GFRA1: variants seen among roughly 807,000 people sequenced by gnomAD.
GFRA1 encodes GDNF family receptor alpha-1.
A neutral mutation model predicts 51.6 loss-of-function variants in GFRA1; 16 were observed. The ratio of observed to expected loss-of-function variants is 0.31; its 90% CI spans 0.21 to 0.47. The LOEUF is 0.47. Ranked by LOEUF, GFRA1 falls within the 20% of genes least tolerant of loss-of-function variation. The pLI, the probability that GFRA1 is intolerant of heterozygous loss-of-function variation, is 1.00. For missense variants in GFRA1, 530 were observed against 594.3 expected, an observed-to-expected ratio of 0.89 and a Z score of 1.13; for synonymous variants, 270 against 241.3, an observed-to-expected ratio of 1.12 and a Z score of -1.10.
chr10:116,270,980 T>G lies in GFRA1; in HGVS notation c.176A>C (p.Asn59Thr), dbSNP rs1843875838. The change falls in exon 3 of 11, where the codon AAC (asparagine) becomes ACC (threonine). Residue 59 changes from asparagine to threonine, a missense_variant. By Grantham distance (65) the Asn-to-Thr change is moderately conservative. Coordinates refer to ENST00000355422, the MANE Select transcript of GFRA1 (RefSeq NM_005264.8). ...CTCCAGGCCGGATGCCAGGCTGAAG[T>G]TGGTCTCCTTGCCCGCCACGCACTG... is the stretch of plus-strand genomic sequence containing the variant. ...LRQCVAGKETNFSLASGLEAK... is the reference protein window; with the variant it reads ...LRQCVAGKETTFSLASGLEAK... The G allele has an allele frequency of 1.2e-6, 2 of 1,614,210 alleles. No homozygotes were observed. The highest frequency in any genetic ancestry group is 1.1e-5 in the South Asian group (1 of 91,086).
chr10:116,145,842 T>C (rs982707550), intron 5 of GFRA1, among the ~76,000 whole-genome samples: 8 of 152,134 alleles, frequency 5.3e-5, no homozygotes, highest in African/African-American at 1.9e-4. Flanking sequence ...TATGGTATAT[T>C]CACACAATGA....
intron 9 of GFRA1, among the ~76,000 whole-genome samples, chr10:116,068,603 G>C (rs999795473): frequency 6.6e-6 from 1 of 152,146 alleles, no homozygotes; most frequent in African/African-American, 2.4e-5. Flanking sequence ...GAGTCCTGTA[G>C]GCAGTGTGAA....
intron 4 of GFRA1, among the ~76,000 whole-genome samples, chr10:116,237,774 T>C (rs3781555): frequency 0.11 from 16,338 of 152,054 alleles, 1,188 homozygotes; most frequent in East Asian, 0.33. Context: ...TAATCCCAAC[T>C]AAGCCCTGGA....
intron 4 of GFRA1, among the ~76,000 whole-genome samples, chr10:116,244,302 A>C (rs944146177): frequency 6.7e-6 from 1 of 149,314 alleles, no homozygotes; most frequent in African/African-American, 2.4e-5. Flanking sequence ...AAAAAGAAGA[A>C]AAATTATAAT....
intron 3 of GFRA1, 107 bp from the exon 4 acceptor site, chr10:116,269,693 G>A: frequency 1.4e-6 from 1 of 740,636 alleles, no homozygotes; most frequent in Non-Finnish European, 2.5e-6. Flanking sequence ...GTAACAAAAA[G>A]ACGCTGAAAC....
intron 5 of GFRA1, among the ~76,000 whole-genome samples, chr10:116,210,913 TTCCCCCTTGACGTATA>T (rs1283047257): frequency 1.3e-5 from 2 of 152,164 alleles, no homozygotes; most frequent in Non-Finnish European, 2.9e-5. Flanking sequence ...AAAAAGCCAA[TTCCCCCTTGACGTATA>T]TCCAGAAGGT....
chr10:116,271,551 G>A (rs964922509), intron 2 of GFRA1, among the ~76,000 whole-genome samples: 2 of 152,164 alleles, frequency 1.3e-5, no homozygotes, highest in Admixed American at 1.3e-4. Context: ...CGCTGGGCGC[G>A]GGGCAGGCCA....
At chr10:116,202,044 G>A (rs1964376681) in intron 5 of GFRA1, among the ~76,000 whole-genome samples, 1 of 152,170 alleles carries the variant, frequency 6.6e-6, no homozygotes, top group South Asian at 2.1e-4. Context: ...ATTCCTCCGA[G>A]CTTTGTCCTC....
At chr10:116,120,143 G>C (rs1444241937) in intron 6 of GFRA1, among the ~76,000 whole-genome samples, 1 of 152,208 alleles carries the variant, frequency 6.6e-6, no homozygotes, top group Non-Finnish European at 1.5e-5. Flanking sequence ...TGGACACCAG[G>C]AAGAACAAGT....
intron 5 of GFRA1, among the ~76,000 whole-genome samples, chr10:116,167,639 T>C (rs566878123): frequency 4.6e-5 from 7 of 151,862 alleles, no homozygotes; most frequent in Admixed American, 1.3e-4. Context: ...AGACCAAAGC[T>C]CTCAGTTTTA....
At chr10:116,147,282 T>A (rs1192983336) in intron 5 of GFRA1, among the ~76,000 whole-genome samples, 2 of 152,070 alleles carry the variant, frequency 1.3e-5, no homozygotes, top group Non-Finnish European at 2.9e-5. Flanking sequence ...CAGAAATAGC[T>A]TTGAGAGAGC....
rs1416647949 is a variant in GFRA1, at chr10:116,058,040, G to GTGTGTA, written c.*6357_*6358insTACACA. On this transcript the variant is annotated 3_prime_UTR_variant, in exon 11 of 11. Transcript: ENST00000355422. ...TGTGTGTGTGTGTGTGTGTGTGTGT[G>GTGTGTA]TGACAGAGAGAACCACGCTTTATTG... 342 of 141,422 alleles carry GTGTGTA rather than the reference G, an allele frequency of 2.4e-3. 6 individuals are homozygous for GTGTGTA. Among genetic ancestry groups the GTGTGTA allele is most frequent in the African/African-American group, 8.6e-3 (323 of 37,518 alleles). 8.8% of individuals were successfully genotyped at this position (141,422 alleles called of 1,614,324 possible).
In GFRA1 at chr10:116,087,574, C is replaced by T. The variant is rs138645619; in HGVS notation, c.1197+2167G>A. On this transcript the variant is annotated intron_variant, in intron 9 of 10. Transcript: ENST00000355422. Reference sequence around the variant, plus strand: ...CAGTCACCCTCTGTGCACTGAGACACGTGCAGAAAAGAAGCTGGTTTTGCT... The same window carrying T: ...CAGTCACCCTCTGTGCACTGAGACATGTGCAGAAAAGAAGCTGGTTTTGCT... Among the ~76,000 whole-genome samples, 826 of 152,280 alleles carry T rather than the reference C, an allele frequency of 5.4e-3. 6 individuals are homozygous for T. Among genetic ancestry groups the T allele is most frequent in the African/African-American group, 0.018 (743 of 41,556 alleles).
At chr10:116,197,655 GT>G (rs1400752389) in intron 5 of GFRA1, among the ~76,000 whole-genome samples, 1 of 152,152 alleles carries the variant, frequency 6.6e-6, no homozygotes, top group Non-Finnish European at 1.5e-5. Flanking sequence ...ACGTTCTGAG[GT>G]TCCAGGTGGA....
intron 6 of GFRA1, among the ~76,000 whole-genome samples, chr10:116,119,992 G>A (rs764189550): frequency 2.0e-5 from 3 of 152,232 alleles, no homozygotes; most frequent in Non-Finnish European, 2.9e-5. Flanking sequence ...GCTGTGCCAA[G>A]GGAGGCCTTC....
intron 7 of GFRA1, among the ~76,000 whole-genome samples, chr10:116,096,422 C>T (rs1468807877): frequency 6.6e-6 from 1 of 152,156 alleles, no homozygotes; most frequent in African/African-American, 2.4e-5. Context: ...CTCCCCACTC[C>T]TTAGTAATCC....
intron 9 of GFRA1, among the ~76,000 whole-genome samples, chr10:116,076,727 T>TAATC (rs1382457431): frequency 6.6e-6 from 1 of 152,184 alleles, no homozygotes; most frequent in Non-Finnish European, 1.5e-5. Flanking sequence ...GTTCGCTCAA[T>TAATC]AATCACACTT....
intron 5 of GFRA1, among the ~76,000 whole-genome samples, chr10:116,165,746 G>A (rs181189358): frequency 5.9e-4 from 90 of 152,004 alleles, no homozygotes; most frequent in African/African-American, 1.9e-3. Context: ...CAGAGAGAGG[G>A]GCTTGAAGGG....
In GFRA1 at chr10:116,063,050, G is replaced by A. The variant is rs138208880; in HGVS notation, c.*1348C>T. 148 of 152,356 alleles carry A rather than the reference G, an allele frequency of 9.7e-4. 2 individuals are homozygous for A. Among genetic ancestry groups the A allele is most frequent in the African/African-American group, 3.5e-3 (144 of 41,576 alleles). 9.4% of individuals were successfully genotyped at this position (152,356 alleles called of 1,614,324 possible). A position where few individuals can be genotyped will look rare whatever the true frequency, so the allele number is the denominator to read the frequency against. ...CCAAACTGCTCCAAACAGTGGCCAA[G>A]ACGTTGCAGTCAGGAGTAAACACAA... On this transcript the variant is annotated 3_prime_UTR_variant, in exon 11 of 11. Transcript: ENST00000355422.
Sources: allele counts gnomAD v4.1 joint callset (sites outside exome capture counted in the v4.1 genomes callset), GRCh38; gene constraint gnomAD v4.1.1; transcripts MANE v1.5; gene names NCBI Gene and HGNC (gene_info 2026-07-23, HGNC 2026-07-21).